The following RBFOX1 variants were observed in gnomAD, a reference collection of about 807,000 sequenced individuals.
RBFOX1 encodes the protein RNA binding fox-1 homolog 1.
Under a neutral mutation model 57.7 loss-of-function variants are expected in RBFOX1, and 8 were observed. The ratio of observed to expected loss-of-function variants is 0.14; its 90% CI spans 0.08 to 0.25. RBFOX1 has a LOEUF of 0.25. Ranked by LOEUF, RBFOX1 falls within the 10% of genes least tolerant of loss-of-function variation. The probability of loss-of-function intolerance (pLI) is 1.00; values close to 1 mark genes in which losing one functional copy is unlikely to be tolerated. For synonymous variants in RBFOX1, 326 were observed against 222.4 expected, an observed-to-expected ratio of 1.47 and a Z score of -4.15; for missense variants, 611 against 548.5, an observed-to-expected ratio of 1.11 and a Z score of -1.14.
At chr16:5,579,457 G>A (rs1014577194) in intron 2 of RBFOX1, among the ~76,000 whole-genome samples, 7 of 151,996 alleles carry the variant, frequency 4.6e-5, no homozygotes, top group Non-Finnish European at 8.8e-5. Context: ...GTGTGCACTC[G>A]TAGAATCCAG....
rs760159651 is a variant in RBFOX1, at chr16:7,595,602, G to A, written c.522G>A (p.Glu174=). The change falls in exon 8 of 16, where the codon GAG becomes GAA. Residue 174 remains glutamate, a synonymous_variant. Coordinates refer to ENST00000550418, the MANE Select transcript of RBFOX1 (RefSeq NM_018723.4). ...GTGCCGATGCGGACAGGGCGAGGGA[G>A]AAATTACACGGCACCGTGGTAGAGG... ...ENSADADRAR[E]KLHGTVVEGR... 6.4e-7 allele frequency: 1 copy of A among 1,574,678 alleles called. No homozygotes were observed. Among genetic ancestry groups the A allele is most frequent in the Admixed American group, 1.8e-5 (1 of 56,300 alleles).
intron 4 of RBFOX1, among the ~76,000 whole-genome samples, chr16:7,183,953 A>G (rs2083227576): frequency 6.6e-6 from 1 of 152,156 alleles, no homozygotes; most frequent in African/African-American, 2.4e-5. Flanking sequence ...AAAATTTCAG[A>G]CTGCAATGAT....
chr16:6,631,012 T>G (rs2098378645), intron 2 of RBFOX1, among the ~76,000 whole-genome samples: 1 of 152,150 alleles, frequency 6.6e-6, no homozygotes, highest in Non-Finnish European at 1.5e-5. Flanking sequence ...AACTCCTTGG[T>G]TGTCAACCCA....
chr16:7,693,431 T>TC, intron 14 of RBFOX1: 2 of 1,323,888 alleles, frequency 1.5e-6, no homozygotes, highest in South Asian at 1.3e-5. Flanking sequence ...TTTTTTTTTT[T>TC]TTTCTTCTTC....
intron 2 of RBFOX1, among the ~76,000 whole-genome samples, chr16:6,582,004 C>T (rs1250341430): frequency 1.3e-5 from 2 of 152,134 alleles, no homozygotes; most frequent in African/African-American, 4.8e-5. Flanking sequence ...GGGATGCTAC[C>T]AGCATCTAGT....
At chr16:6,042,646 C>T (rs1193296302) in intron 1 of RBFOX1, among the ~76,000 whole-genome samples, 3 of 152,006 alleles carry the variant, frequency 2.0e-5, no homozygotes, top group Admixed American at 6.6e-5. Context: ...ATATGAGTGA[C>T]CATGGCCTGG....
At chr16:7,587,346 T>C in intron 7 of RBFOX1, 46 bp downstream of exon 7, 1 of 1,464,926 alleles carries the variant, frequency 6.8e-7, no homozygotes, top group Non-Finnish European at 9.1e-7. Context: ...TATTTTTAAA[T>C]GTTTGTTATG....
At chr16:7,519,845 C>T (rs2077144762) in intron 5 of RBFOX1, 1 of 527,636 alleles carries the variant, frequency 1.9e-6, no homozygotes, top group Non-Finnish European at 2.4e-6. Flanking sequence ...CTACTTGCCA[C>T]CTCATTCATT....
At chr16:7,214,088 A>T (rs188269508) in intron 4 of RBFOX1, among the ~76,000 whole-genome samples, 2,088 of 150,314 alleles carry the variant, frequency 0.014, 25 homozygotes, top group South Asian at 0.028. Flanking sequence ...AAAAAAAAAA[A>T]TTTTTCCACT....
intron 3 of RBFOX1, among the ~76,000 whole-genome samples, chr16:5,786,992 T>A (rs2054524481): frequency 6.6e-6 from 1 of 152,064 alleles, no homozygotes; most frequent in African/African-American, 2.4e-5. Context: ...AAAGATTAAC[T>A]GGGCGCGGTG....
chr16:6,717,061 G>C (rs1035703841), intron 3 of RBFOX1, among the ~76,000 whole-genome samples: 9 of 152,136 alleles, frequency 5.9e-5, no homozygotes, highest in African/African-American at 9.7e-5. Context: ...GCTGCCATGT[G>C]CAAACCAAGA....
At chr16:6,822,771 G>C (rs1359011512) in intron 3 of RBFOX1, among the ~76,000 whole-genome samples, 2 of 152,164 alleles carry the variant, frequency 1.3e-5, no homozygotes, top group African/African-American at 4.8e-5. Flanking sequence ...AAGAACCTAT[G>C]GGACAAGCGC....
chr16:5,818,703 G>C (rs1389305616), intron 3 of RBFOX1, among the ~76,000 whole-genome samples: 2 of 152,168 alleles, frequency 1.3e-5, no homozygotes, highest in African/African-American at 4.8e-5. Context: ...GACCGTAGAG[G>C]GGACAACAAA....
intron 4 of RBFOX1, among the ~76,000 whole-genome samples, chr16:7,471,064 A>G (rs2061465687): frequency 1.3e-5 from 2 of 152,326 alleles, no homozygotes; most frequent in South Asian, 4.1e-4. Flanking sequence ...AAAATAAGGA[A>G]TAAAATGAAA....
intron 1 of RBFOX1, among the ~76,000 whole-genome samples, chr16:6,193,904 G>A (rs536236918): frequency 6.6e-6 from 1 of 152,024 alleles, no homozygotes; most frequent in East Asian, 1.9e-4. Context: ...ATCTTCCTGT[G>A]TTCACACCTA....
chr16:6,826,739 T>C (rs191004658), intron 3 of RBFOX1, among the ~76,000 whole-genome samples: 71 of 152,324 alleles, frequency 4.7e-4, no homozygotes, highest in African/African-American at 1.6e-3. Context: ...CATTTCTCTT[T>C]AATAATTATC....
At chr16:6,285,044 C>T (rs2076761961) in intron 1 of RBFOX1, among the ~76,000 whole-genome samples, 2 of 152,072 alleles carry the variant, frequency 1.3e-5, no homozygotes, top group African/African-American at 4.8e-5. Context: ...CCGAGAGAGG[C>T]AAGGAAATCG....
intron 3 of RBFOX1, among the ~76,000 whole-genome samples, chr16:6,945,656 C>A (rs542335368): frequency 1.3e-5 from 2 of 151,934 alleles, no homozygotes; most frequent in Admixed American, 1.3e-4. Context: ...TTTGGGAGGA[C>A]GAGGTGGGTG....
Position 5,973,775 on chromosome 16 carries a change from C to T in RBFOX1, c.351+106440C>T, listed in dbSNP as rs539679567. The stretch of plus-strand genomic sequence containing the variant: ...TCATTCAATTGTTTCTTTGTTCATT[C>T]ATTCATTTGGAGCAAGGACAAGGAT... On this transcript the variant is annotated intron_variant, in intron 4 of 19. Transcript: ENST00000641259. Among the ~76,000 whole-genome samples the T allele has an allele frequency of 3.2e-4, 49 of 152,274 alleles. 1 individual carries two copies. The highest frequency in any genetic ancestry group is 5.6e-4 in the Non-Finnish European group (38 of 68,016).
Sources: allele counts gnomAD v4.1 joint callset (sites outside exome capture counted in the v4.1 genomes callset), GRCh38; gene constraint gnomAD v4.1.1; transcripts MANE v1.5; gene names NCBI Gene and HGNC (gene_info 2026-07-23, HGNC 2026-07-21).